Variants in EXOSC1 observed in about 807,000 individuals in gnomAD.
EXOSC1 encodes the protein exosome complex component CSL4.
A neutral mutation model predicts 31.4 loss-of-function variants in EXOSC1; 27 were observed. That is an observed-to-expected ratio of 0.86 (90% CI 0.63 to 1.18). The LOEUF is 1.18. Among genes scored for constraint, EXOSC1 ranks in the 50% most tolerant of loss-of-function variants. The pLI is 0.00. For missense variants in EXOSC1, 228 were observed against 250.3 expected, an observed-to-expected ratio of 0.91 and a Z score of 0.60; for synonymous variants, 84 against 89.5, an observed-to-expected ratio of 0.94 and a Z score of 0.35.
At chr10:97,441,554 G>A (rs1373171828) in intron 3 of EXOSC1, among the ~76,000 whole-genome samples, 2 of 147,812 alleles carry the variant, frequency 1.4e-5, no homozygotes, top group Admixed American at 6.8e-5. Context: ...GCAATGGCGC[G>A]ATCTTGGCTC....
intron 2 of EXOSC1, 132 bp downstream of exon 2, chr10:97,445,600 G>GAAGAAACT: frequency 1.3e-6 from 1 of 776,996 alleles, no homozygotes; most frequent in Non-Finnish European, 2.0e-6. Flanking sequence ...GATACGGCTA[G>GAAGAAACT]AAGAAACTAA....
In EXOSC1 at chr10:97,437,285, T is replaced by G. The variant is rs1365037028; in HGVS notation, c.397-10A>C. ...CATCACCTAAGGAGATCTAGTCACA[T>G]AACACCGGTGAAGGAAAATGAGGAG... is the stretch of plus-strand genomic sequence containing the variant. On this transcript the variant is annotated splice_polypyrimidine_tract_variant and intron_variant, in intron 6 of 7. Transcript: ENST00000370902. 6 of 1,608,902 alleles carry G rather than the reference T, an allele frequency of 3.7e-6. No individual in the cohort carries two copies. The highest frequency in any genetic ancestry group is 5.1e-6 in the Non-Finnish European group (6 of 1,176,142).
intron 2 of EXOSC1, 69 bp from the exon 3 acceptor site, chr10:97,443,380 G>C: frequency 7.6e-7 from 1 of 1,320,332 alleles, no homozygotes; most frequent in Non-Finnish European, 1.1e-6. Flanking sequence ...TGTGGCTTGA[G>C]AGTAATATAG....
At chr10:97,445,521 G>C (rs1320769717) in intron 2 of EXOSC1, 1 of 570,058 alleles carries the variant, frequency 1.8e-6, no homozygotes, top group Admixed American at 3.2e-5. Context: ...TTCCCTCCCC[G>C]AGGGTCAGCA....
Position 97,436,513 on chromosome 10 carries a change from A to T in EXOSC1, c.520T>A (p.Cys174Ser). 1 of 1,611,662 alleles carries T rather than the reference A, an allele frequency of 6.2e-7. No homozygotes were observed. Among genetic ancestry groups the T allele is most frequent in the Non-Finnish European group, 8.5e-7 (1 of 1,179,346 alleles). The change falls in exon 8 of 8, where the codon TGC (cysteine) becomes AGC (serine). Residue 174 changes from cysteine (C) to serine (S), a missense_variant. Coordinates refer to ENST00000370902, the MANE Select transcript of EXOSC1 (RefSeq NM_016046.5). ...AATTCTTTAGTGTGGGTCTTAGGGC[A>T]CTGCATCTCACACCAGCTGATGGGA... ...MVPISWCEMQ[C>S]PKTHTKEFRK...
intron 2 of EXOSC1, 75 bp downstream of exon 2, chr10:97,445,657 C>G: frequency 2.9e-6 from 4 of 1,393,544 alleles, no homozygotes; most frequent in Non-Finnish European, 4.0e-6. Flanking sequence ...GTCCGCAGTG[C>G]CCATGCCTAA....
intron 3 of EXOSC1, among the ~76,000 whole-genome samples, chr10:97,442,699 T>C (rs1164851057): frequency 6.6e-6 from 1 of 152,134 alleles, no homozygotes; most frequent in Admixed American, 6.5e-5. Flanking sequence ...TTCTTCTTTT[T>C]TTTTGAGACG....
chr10:97,442,592 T>C (rs1446938061), intron 3 of EXOSC1, among the ~76,000 whole-genome samples: 2 of 152,226 alleles, frequency 1.3e-5, no homozygotes, highest in Admixed American at 6.5e-5. Flanking sequence ...CACTGCAGCC[T>C]CAACCCCCTG....
chr10:97,442,263 G>GT (rs1845744079), intron 3 of EXOSC1, among the ~76,000 whole-genome samples: 1 of 152,032 alleles, frequency 6.6e-6, no homozygotes, highest in African/African-American at 2.4e-5. Context: ...TCAAAAATAG[G>GT]CCTCCTAATC....
At position 97,443,321 on chromosome 10, in the gene EXOSC1, GAAC is replaced by G; in HGVS notation, c.148-13_148-11del. On this transcript the variant is annotated splice_polypyrimidine_tract_variant and intron_variant, in intron 2 of 7. Transcript: ENST00000370902. The stretch of plus-strand genomic sequence containing the variant: ...CAGACACCACTGGAAGCTACAGAGG[GAAC>G]AACAAAAAACTGAAATGTCCTGACT... 1 of 1,611,322 alleles carries G rather than the reference GAAC, an allele frequency of 6.2e-7. No individual in the cohort carries two copies. Among genetic ancestry groups the G allele is most frequent in the South Asian group, 1.1e-5 (1 of 90,632 alleles).
At position 97,435,975 on chromosome 10, in the gene EXOSC1, C is replaced by CAT. The variant is rs113886536; in HGVS notation, c.*469_*470insAT. On this transcript the variant is annotated 3_prime_UTR_variant, in exon 8 of 8. Coordinates refer to ENST00000370902, the MANE Select transcript of EXOSC1 (RefSeq NM_016046.5). ...GCCTCACATGCTATCTGTATCACCA[C>CAT]GTGTCCTCAAATTTTCATTAAATCA... 1.7e-3 allele frequency among the ~76,000 whole-genome samples: 261 copies of CAT among 152,244 alleles called. 1 individual carries two copies. The highest frequency in any genetic ancestry group is 5.6e-3 in the African/African-American group (233 of 41,552).
intron 6 of EXOSC1, 101 bp downstream of exon 6, chr10:97,437,599 T>C (rs1845581524): frequency 3.6e-6 from 4 of 1,096,454 alleles, no homozygotes; most frequent in Non-Finnish European, 5.6e-6. Context: ...CCACCCGCCC[T>C]GGCCTCCGAA....
rs1473035471 is a variant in EXOSC1 at position 97,445,765 on chromosome 10, G to C, written c.114C>G (p.Ala38=). The C allele has an allele frequency of 1.9e-6, 3 of 1,613,760 alleles. No homozygotes were observed. Among genetic ancestry groups the C allele is most frequent in the South Asian group, 2.2e-5 (2 of 91,086 alleles). Residue 38 remains alanine, a synonymous_variant, in exon 2 of 8, where the codon GCC becomes GCG. Coordinates refer to ENST00000370902, the MANE Select transcript of EXOSC1 (RefSeq NM_016046.5). The part of the protein sequence containing the change: ...TRHGYIFSSL[A]GCLMKSSENG... ...TCTCGCTGCTCTTCATCAGACAGCC[G>C]GCAAGCGACGAAAAGATGTAGCCGT...
chr10:97,438,748 GA>G, intron 4 of EXOSC1, 45 bp from the exon 5 acceptor site: 2 of 963,290 alleles, frequency 2.1e-6, no homozygotes, highest in South Asian at 1.6e-5. Flanking sequence ...CTGTGAGAAA[GA>G]ATTTTTTTTT....
Position 97,436,135 on chromosome 10 carries a change from T to C in EXOSC1, c.*310A>G, listed in dbSNP as rs1245935479. ...TTTCTCTGCTTAAGACAACAGACTC[T>C]ATAACATCCTTTTAGTAAAAAAGTT... is the stretch of plus-strand genomic sequence containing the variant. On this transcript the variant is annotated 3_prime_UTR_variant, in exon 8 of 8. Coordinates refer to ENST00000370902, the MANE Select transcript of EXOSC1 (RefSeq NM_016046.5). The C allele has an allele frequency of 6.5e-6, 2 of 310,066 alleles. No homozygotes were observed. Among genetic ancestry groups the C allele is most frequent in the African/African-American group, 4.6e-5 (2 of 43,796 alleles). 19.2% of individuals were successfully genotyped at this position (310,066 alleles called of 1,614,324 possible).
rs1845559217 is a variant in EXOSC1, at chr10:97,437,040, A to C, written c.481+151T>G. 5.2e-6 allele frequency: 4 copies of C among 765,214 alleles called. No individual in the cohort carries two copies. In the Admixed American group the frequency reaches 9.6e-5, roughly 18 times the overall value. 47.4% of individuals were successfully genotyped at this position (765,214 alleles called of 1,614,324 possible). A position where few individuals can be genotyped will look rare whatever the true frequency, so the allele number is the denominator to read the frequency against. The stretch of plus-strand genomic sequence containing the variant: ...CAAACAACCACCACCACCAGCACCA[A>C]GCAAAAAAGAAAAAAATAATCATTC... On this transcript the variant is annotated intron_variant, in intron 7 of 7. Transcript: ENST00000370902.
In EXOSC1 at chr10:97,441,212, C is replaced by T. The variant is rs1004183586; in HGVS notation, c.270G>A (p.Val90=). Residue 90 remains valine (V), a synonymous_variant, in exon 4 of 8, where the codon GTG becomes GTA. Transcript: ENST00000370902. ...SRFAKVHILY[V]GSMPLKNSFR... is the part of the protein sequence containing the mutation. ...AAGAGTTCTTAAGAGGCATGGACCC[C>T]ACATACAGGATGTGTACTTTGGCAA... is the stretch of plus-strand genomic sequence containing the variant. The T allele has an allele frequency of 4.3e-6, 7 of 1,613,946 alleles. No individual in the cohort carries two copies. The African/African-American group carries it at 8.0e-5, about 18-fold the overall frequency.
At chr10:97,438,552 GC>G in intron 5 of EXOSC1, 117 bp downstream of exon 5, 1 of 888,186 alleles carries the variant, frequency 1.1e-6, no homozygotes, top group East Asian at 2.5e-5. Context: ...TGATCCTCCC[GC>G]CTCAGCCTCC....
intron 5 of EXOSC1, 40 bp downstream of exon 5, chr10:97,438,630 G>A: frequency 6.3e-7 from 1 of 1,589,574 alleles, no homozygotes; most frequent in African/African-American, 1.4e-5. Context: ...AAGGGATTGA[G>A]ATACGTAAAG....
Sources: allele counts gnomAD v4.1 joint callset (sites outside exome capture counted in the v4.1 genomes callset), GRCh38; gene constraint gnomAD v4.1.1; transcripts MANE v1.5; gene names NCBI Gene and HGNC (gene_info 2026-07-23, HGNC 2026-07-21).